The following NIF3L1 variants were observed in gnomAD, a reference collection of about 807,000 sequenced individuals.
NIF3L1 encodes NGG1 interacting factor 3 like 1.
Under a neutral mutation model 35.0 loss-of-function variants are expected in NIF3L1, and 26 were observed. The observed-to-expected ratio is 0.74, with a 90% CI of 0.54 to 1.03. NIF3L1 has a LOEUF of 1.03. NIF3L1 is among the 50% of genes least tolerant of loss of function. The pLI, the probability that NIF3L1 is intolerant of heterozygous loss-of-function variation, is 0.00. For missense variants in NIF3L1, 449 were observed against 466.3 expected (o/e 0.96, Z 0.34); for synonymous variants, 157 against 178.9 (o/e 0.88, Z 0.98).
At position 200,897,221 on chromosome 2, in the gene NIF3L1, A is replaced by G. The variant is rs199727388; in HGVS notation, c.865+7A>G. On this transcript the variant is annotated splice_region_variant and intron_variant, in intron 5 of 6. Transcript: ENST00000409020. The stretch of plus-strand genomic sequence containing the variant: ...GGGGTGGGGAGAACCTTAGGTAAAT[A>G]TAGCTCCTTCATCTATCCAGTATGC... The G allele has an allele frequency of 7.2e-5, 116 of 1,613,386 alleles. No homozygotes were observed. Among genetic ancestry groups the G allele is most frequent in the Admixed American group, 1.3e-4 (8 of 59,892 alleles).
intron 6 of NIF3L1, 93 bp from the exon 7 acceptor site, chr2:200,903,401 T>G: frequency 1.0e-6 from 1 of 970,988 alleles, no homozygotes. Context: ...TCACTTCATA[T>G]AGACTACAAA....
intron 6 of NIF3L1, among the ~76,000 whole-genome samples, chr2:200,900,442 A>G (rs1285834514): frequency 4.6e-5 from 7 of 152,162 alleles, no homozygotes; most frequent in Admixed American, 1.3e-4. Context: ...CACTTTGAGG[A>G]CCAGGCTCTA....
At position 200,899,267 on chromosome 2, in the gene NIF3L1, A is replaced by G. The variant is rs2271273; in HGVS notation, c.866-118A>G. On this transcript the variant is annotated intron_variant, in intron 5 of 6. Transcript: ENST00000409020. ...AAAATGCAGTAAGAACAATTCATAT[A>G]CTGGTGATGAGACCAGGAGTGAAAT... The G allele has an allele frequency of 2.1e-3, 1,346 of 633,900 alleles. 21 individuals are homozygous for G. The East Asian group carries it at 0.035, about 17-fold the overall frequency. The allele number at this position is 633,900 out of a possible 1,614,324, so 39.3% of individuals were successfully genotyped here. A position where few individuals can be genotyped will look rare whatever the true frequency, so the allele number is the denominator to read the frequency against.
chr2:200,894,381 T>TA (rs1229832592), intron 3 of NIF3L1, among the ~76,000 whole-genome samples: 1 of 152,000 alleles, frequency 6.6e-6, no homozygotes, highest in Admixed American at 6.6e-5. Flanking sequence ...CAGCAGCTGT[T>TA]ATTTTAAGAA....
At chr2:200,894,709 T>C (rs1575134112) in intron 3 of NIF3L1, among the ~76,000 whole-genome samples, 3 of 148,504 alleles carry the variant, frequency 2.0e-5, no homozygotes, top group African/African-American at 5.0e-5. Context: ...TGCCTGGCCT[T>C]CTTTTTTTTT....
intron 3 of NIF3L1, among the ~76,000 whole-genome samples, chr2:200,893,726 G>A (rs1006576459): frequency 2.0e-5 from 3 of 152,116 alleles, no homozygotes; most frequent in African/African-American, 4.8e-5. Flanking sequence ...CTAGTGATGT[G>A]GTGATAAGGC....
rs1248714209 is a variant in NIF3L1, at chr2:200,893,184, T to G, written c.437-62T>G. On this transcript the variant is annotated intron_variant, in intron 2 of 6. Transcript: ENST00000409020. ...CTTAGAAATTTTGCCTATAATAGTTTACTTTTAAATCTTAATCTCTCACCC... is the reference window on the plus strand; with the variant it reads ...CTTAGAAATTTTGCCTATAATAGTTGACTTTTAAATCTTAATCTCTCACCC... The G allele has an allele frequency of 7.4e-6, 10 of 1,344,866 alleles. No individual in the cohort carries two copies. In the East Asian group the frequency reaches 2.5e-4, roughly 33 times the overall value. 83.3% of individuals were successfully genotyped at this position (1,344,866 alleles called of 1,614,324 possible).
intron 5 of NIF3L1, among the ~76,000 whole-genome samples, chr2:200,897,666 A>T (rs557020870): frequency 6.6e-6 from 1 of 152,340 alleles, no homozygotes; most frequent in East Asian, 1.9e-4. Flanking sequence ...CAATTACAAC[A>T]TAAACTTTGC....
chr2:200,902,393 C>T (rs1419958122), intron 6 of NIF3L1, among the ~76,000 whole-genome samples: 14 of 152,066 alleles, frequency 9.2e-5, no homozygotes, highest in Admixed American at 9.2e-4. Flanking sequence ...CGTGGTGAAA[C>T]CCCATCTCTA....
intron 6 of NIF3L1, among the ~76,000 whole-genome samples, chr2:200,900,170 G>A (rs1487471384): frequency 6.6e-6 from 1 of 152,124 alleles, no homozygotes; most frequent in Non-Finnish European, 1.5e-5. Context: ...CTATCACTTT[G>A]TCCTTGACCT....
At chr2:200,898,631 A>G (rs965462883) in intron 5 of NIF3L1, among the ~76,000 whole-genome samples, 7 of 152,166 alleles carry the variant, frequency 4.6e-5, no homozygotes, top group Non-Finnish European at 7.4e-5. Context: ...TTGACTTCCA[A>G]AATAACTCCA....
chr2:200,903,798 C>G lies in NIF3L1; in HGVS notation c.*120C>G. On this transcript the variant is annotated 3_prime_UTR_variant, in exon 7 of 7. Coordinates refer to ENST00000409020, the MANE Select transcript of NIF3L1 (RefSeq NM_001369441.2). The stretch of plus-strand genomic sequence containing the variant: ...GTGTCTTCGAGGGTATCATCATTTC[C>G]GGTTTGTTAATCTTATTCACCAAAT... 1 of 799,650 alleles carries G rather than the reference C, an allele frequency of 1.3e-6. No homozygotes were observed. The highest frequency in any genetic ancestry group is 2.2e-6 in the Non-Finnish European group (1 of 459,848). 49.5% of individuals were successfully genotyped at this position (799,650 alleles called of 1,614,324 possible). A position where few individuals can be genotyped will look rare whatever the true frequency, so the allele number is the denominator to read the frequency against.
rs763851655 is a variant in NIF3L1 at position 200,903,484 on chromosome 2, T to C, written c.950-10T>C. 1.9e-6 allele frequency: 3 copies of C among 1,608,338 alleles called. No individual in the cohort carries two copies. In the East Asian group the frequency reaches 6.7e-5, roughly 36 times the overall value. On this transcript the variant is annotated splice_polypyrimidine_tract_variant and intron_variant, in intron 6 of 6. Transcript: ENST00000409020. ...TAGCATTTAAGAATTTGCTCTTCCC[T>C]TTTTGGTAGGTGAGATGTCCCATCA...
At chr2:200,894,457 G>A (rs1394920723) in intron 3 of NIF3L1, among the ~76,000 whole-genome samples, 1 of 151,896 alleles carries the variant, frequency 6.6e-6, no homozygotes, top group Non-Finnish European at 1.5e-5. Flanking sequence ...TTGGAGTGCA[G>A]TGGTGTGATC....
Position 200,903,611 on chromosome 2 carries a change from C to G in NIF3L1, c.1067C>G (p.Ser356Cys). The G allele has an allele frequency of 6.2e-7, 1 of 1,613,904 alleles. No homozygotes were observed. The highest frequency in any genetic ancestry group is 8.5e-7 in the Non-Finnish European group (1 of 1,179,784). ...TCTGACCTTCGAGATATGCTGGATT[C>G]TCACTTGGAGAATAAGATAAATATT... Reference protein sequence around the residue: ...FLSDLRDMLDSHLENKINIIL... With the variant: ...FLSDLRDMLDCHLENKINIIL... Residue 356 changes from serine to cysteine, a missense_variant, in exon 7 of 7, where the codon TCT becomes TGT. Coordinates refer to ENST00000409020, the MANE Select transcript of NIF3L1 (RefSeq NM_001369441.2).
chr2:200,902,523 G>A (rs1318979637), intron 6 of NIF3L1, among the ~76,000 whole-genome samples: 1 of 152,028 alleles, frequency 6.6e-6, no homozygotes, highest in Non-Finnish European at 1.5e-5. Context: ...AGCTGAGATC[G>A]TGCTACTGTA....
At chr2:200,902,612 T>TC (rs1429970037) in intron 6 of NIF3L1, among the ~76,000 whole-genome samples, 1 of 152,122 alleles carries the variant, frequency 6.6e-6, no homozygotes, top group Non-Finnish European at 1.5e-5. Context: ...ATATGAATTT[T>TC]CCCCAAATCT....
At chr2:200,891,763 A>G in intron 1 of NIF3L1, 155 bp from the exon 2 acceptor site, 1 of 601,736 alleles carries the variant, frequency 1.7e-6, no homozygotes, top group Non-Finnish European at 2.9e-6. Context: ...GAGAGGTTAA[A>G]TGGCTTACCT....
chr2:200,890,865 T>G lies in NIF3L1; in HGVS notation c.-26-1053T>G, dbSNP rs114106236. On this transcript the variant is annotated intron_variant, in intron 1 of 6. Transcript: ENST00000409020. ...TAAGGGGCAGTGGCTTCTCCCTTCT[T>G]CTGCCTTGACCCTGCCCATTTATAG... Among the ~76,000 whole-genome samples the G allele has an allele frequency of 7.5e-3, 1,145 of 152,296 alleles. 12 individuals carry two copies. Among genetic ancestry groups the G allele is most frequent in the African/African-American group, 0.026 (1,085 of 41,556 alleles).
Sources: gnomAD v4.1 joint callset for allele counts (sites outside exome capture counted in the v4.1 genomes callset) on GRCh38, gnomAD v4.1.1 for gene constraint, MANE v1.5 for transcripts, NCBI Gene and HGNC (gene_info 2026-07-23, HGNC 2026-07-21) for gene names.